The following IL1RAPL1 variants were observed in gnomAD, a reference collection of about 807,000 sequenced individuals.
IL1RAPL1 encodes the protein interleukin 1 receptor accessory protein like 1, also known as interleukin-1 receptor accessory protein-like 1.
Under a neutral mutation model 48.4 loss-of-function variants are expected in IL1RAPL1, and 3 were observed. That is an observed-to-expected ratio of 0.06 (90% CI 0.03 to 0.16). The LOEUF (loss-of-function observed/expected upper bound fraction) is 0.16. Among genes scored for constraint, IL1RAPL1 ranks in the 10% least tolerant of loss-of-function variants. The pLI is 1.00. For synonymous variants in IL1RAPL1, 185 were observed against 187.7 expected, an observed-to-expected ratio of 0.99 and a Z score of 0.12; for missense variants, 349 against 530.6, an observed-to-expected ratio of 0.66 and a Z score of 3.36.
intron 5 of IL1RAPL1, among the ~76,000 whole-genome samples, chrX:29,595,178 C>G (rs1406575039): frequency 8.9e-6 from 1 of 112,107 alleles, no homozygotes; most frequent in Non-Finnish European, 1.9e-5. Context: ...TTTGCAATTG[C>G]AAATTGTGCT....
intron 6 of IL1RAPL1, among the ~76,000 whole-genome samples, chrX:29,718,514 G>A (rs1337502722): frequency 1.9e-5 from 2 of 106,616 alleles, no homozygotes; most frequent in Non-Finnish European, 3.9e-5. Context: ...TAGGTGACGG[G>A]TTGATGGGTG....
At chrX:29,947,656 C>A (rs965350286) in intron 9 of IL1RAPL1, among the ~76,000 whole-genome samples, 4 of 109,869 alleles carry the variant, frequency 3.6e-5, no homozygotes, top group Non-Finnish European at 7.6e-5. Flanking sequence ...AGGTCACTCA[C>A]TATTCATAGT....
At chrX:29,013,206 A>G (rs1926164047) in intron 2 of IL1RAPL1, among the ~76,000 whole-genome samples, 1 of 110,584 alleles carries the variant, frequency 9.0e-6, no homozygotes, top group Non-Finnish European at 1.9e-5. Flanking sequence ...GTTAAAAAAA[A>G]AAAAAACAAT....
At chrX:29,944,563 C>T (rs1057463329) in intron 9 of IL1RAPL1, among the ~76,000 whole-genome samples, 12 of 112,226 alleles carry the variant, frequency 1.1e-4, no homozygotes, top group African/African-American at 3.9e-4. Flanking sequence ...TGAGAAAAAA[C>T]TCATAACCTT....
At chrX:28,878,214 C>T (rs961334992) in intron 2 of IL1RAPL1, among the ~76,000 whole-genome samples, 1 of 111,646 alleles carries the variant, frequency 9.0e-6, no homozygotes, top group Non-Finnish European at 1.9e-5. Context: ...TTATCTCAAC[C>T]CTAGGTGGTA....
At chrX:28,665,829 C>T (rs1934870895) in intron 1 of IL1RAPL1, among the ~76,000 whole-genome samples, 1 of 112,173 alleles carries the variant, frequency 8.9e-6, no homozygotes, top group South Asian at 3.7e-4. Context: ...TCATTTGAAA[C>T]AGTACACTTC....
chrX:29,266,025 A>G (rs1931950632), intron 2 of IL1RAPL1, among the ~76,000 whole-genome samples: 1 of 111,405 alleles, frequency 9.0e-6, no homozygotes. Flanking sequence ...GTGGGACTGT[A>G]AACTAGTTCA....
chrX:28,614,897 G>T (rs1481413607), intron 1 of IL1RAPL1, among the ~76,000 whole-genome samples: 1 of 109,564 alleles, frequency 9.1e-6, no homozygotes, highest in South Asian at 3.9e-4. Flanking sequence ...TTTGTTTTTT[G>T]TTTTTTTTCG....
At chrX:29,282,658 C>A (rs1160796485) in intron 2 of IL1RAPL1, among the ~76,000 whole-genome samples, 4 of 111,988 alleles carry the variant, frequency 3.6e-5, no homozygotes. Flanking sequence ...ACATTTAGAA[C>A]TAAGAGGCAA....
rs756388870 is a variant in IL1RAPL1, at chrX:29,741,951, A to G, written c.778+73447A>G. The stretch of plus-strand genomic sequence containing the variant: ...AAAAAAAAAGAAAAAAAAAAAAAAA[A>G]AAAAGAAAAGCCCCATGTCTTTTCA... On this transcript the variant is annotated intron_variant, in intron 6 of 10. Transcript: ENST00000378993. 3.6e-3 allele frequency among the ~76,000 whole-genome samples: 385 copies of G among 107,882 alleles called. 1 individual carries two copies. Among genetic ancestry groups the G allele is most frequent in the African/African-American group, 0.012 (359 of 29,392 alleles). 93.7% of individuals were successfully genotyped at this position (107,882 alleles called of 115,157 possible). A position where few individuals can be genotyped will look rare whatever the true frequency, so the allele number is the denominator to read the frequency against.
At chrX:29,196,933 A>G in intron 2 of IL1RAPL1, among the ~76,000 whole-genome samples, 1 of 110,044 alleles carries the variant, frequency 9.1e-6, no homozygotes, top group South Asian at 3.9e-4. Flanking sequence ...TCTAGTGTAT[A>G]TTTTCCTAAT....
chrX:29,183,453 T>TTTCTGTGGAA (rs1930186661), intron 2 of IL1RAPL1, among the ~76,000 whole-genome samples: 1 of 111,668 alleles, frequency 9.0e-6, no homozygotes, highest in Non-Finnish European at 1.9e-5. Context: ...GTCTCCTATG[T>TTTCTGTGGAA]TTCTGTGGAA....
chrX:29,348,220 T>C (rs1933177293), intron 3 of IL1RAPL1, among the ~76,000 whole-genome samples: 1 of 112,026 alleles, frequency 8.9e-6, no homozygotes, highest in Admixed American at 9.5e-5. Context: ...TGTAAAGATG[T>C]CTTAGAGTAA....
intron 1 of IL1RAPL1, among the ~76,000 whole-genome samples, chrX:28,652,970 G>A (rs1484496123): frequency 2.7e-5 from 3 of 111,103 alleles, no homozygotes; most frequent in Non-Finnish European, 3.8e-5. Context: ...TGAGTCCTGC[G>A]TAGAGAAGTA....
intron 1 of IL1RAPL1, among the ~76,000 whole-genome samples, chrX:28,609,234 A>G (rs1007111630): frequency 1.8e-5 from 2 of 111,772 alleles, no homozygotes; most frequent in South Asian, 3.7e-4. Flanking sequence ...AGCTGCTTGA[A>G]TACGGGAATA....
intron 6 of IL1RAPL1, among the ~76,000 whole-genome samples, chrX:29,883,287 T>C (rs983251553): frequency 9.0e-6 from 1 of 110,917 alleles, no homozygotes; most frequent in Non-Finnish European, 1.9e-5. Context: ...AACCTTATGT[T>C]CATGTTCTTA....
intron 1 of IL1RAPL1, among the ~76,000 whole-genome samples, chrX:28,623,570 G>A (rs1224915770): frequency 1.8e-5 from 2 of 111,680 alleles, no homozygotes; most frequent in African/African-American, 3.2e-5. Flanking sequence ...ACCTGCATAC[G>A]TGGCACTGTG....
In IL1RAPL1 at chrX:28,789,391, T is replaced by G. The variant is rs747519073; in HGVS notation, c.48T>G (p.Thr16=). ...PHLILLYATF[T]QSLKVVTKRG... Reference sequence around the variant, plus strand: ...TGATTCTCTTATACGCTACTTTTACTCAGAGTTTGAAGGTTGTGACCAAAA... The same window carrying G: ...TGATTCTCTTATACGCTACTTTTACGCAGAGTTTGAAGGTTGTGACCAAAA... Residue 16 remains threonine (T), a synonymous_variant, in exon 2 of 11, where the codon ACT becomes ACG. Coordinates refer to ENST00000378993, the MANE Select transcript of IL1RAPL1 (RefSeq NM_014271.4). The G allele has an allele frequency of 2.5e-6, 3 of 1,210,238 alleles. No individual in the cohort carries two copies. The highest frequency in any genetic ancestry group is 3.4e-6 in the Non-Finnish European group (3 of 893,957).
At chrX:29,670,305 G>A (rs999218018) in intron 6 of IL1RAPL1, among the ~76,000 whole-genome samples, 5 of 111,822 alleles carry the variant, frequency 4.5e-5, no homozygotes, top group African/African-American at 6.5e-5. Context: ...AAGCAAATTG[G>A]AAGTGACTAT....
Sources: allele counts gnomAD v4.1 joint callset (sites outside exome capture counted in the v4.1 genomes callset), GRCh38; gene constraint gnomAD v4.1.1; transcripts MANE v1.5; gene names NCBI Gene and HGNC (gene_info 2026-07-23, HGNC 2026-07-21).